The following PWWP2A variants were observed in gnomAD, a reference collection of about 807,000 sequenced individuals.
The protein encoded by PWWP2A is PWWP domain-containing protein 2A.
Under a neutral mutation model 48.5 loss-of-function variants are expected in PWWP2A, and 18 were observed. That is an observed-to-expected ratio of 0.37 (90% CI 0.26 to 0.55). The LOEUF (loss-of-function observed/expected upper bound fraction) is 0.55, where lower values mean the gene tolerates loss of function less well. Among genes scored for constraint, PWWP2A ranks in the 20% least tolerant of loss-of-function variants. The pLI is 0.81. For missense variants in PWWP2A, 867 were observed against 976.4 expected, an observed-to-expected ratio of 0.89 and a Z score of 1.49; for synonymous variants, 396 against 387.7, an observed-to-expected ratio of 1.02 and a Z score of -0.25.
the PWWP2A span, chr5:160,049,511 C>A: frequency 1.3e-6 from 2 of 1,560,476 alleles, no homozygotes; most frequent in East Asian, 2.3e-5. Flanking sequence ...TCTCTTTTTA[C>A]AGCAATTCAA....
At chr5:160,090,803 C>T, downstream of PWWP2A, 3 of 980,358 alleles carry the variant, frequency 3.1e-6, no homozygotes, top group South Asian at 4.7e-5. Context: ...AGTTAAGACA[C>T]AAAGTATGAA....
At chr5:160,050,453 A>C in the PWWP2A span, among the ~76,000 whole-genome samples, 1 of 152,218 alleles carries the variant, frequency 6.6e-6, no homozygotes. Context: ...TCTTAAAAAA[A>C]CAAAAAATAC....
Position 160,092,247 on chromosome 5 carries a change from A to T in PWWP2A, c.*135T>A. 1 of 1,413,044 alleles carries T rather than the reference A, an allele frequency of 7.1e-7. No homozygotes were observed. Among genetic ancestry groups the T allele is most frequent in the South Asian group, 1.7e-5 (1 of 58,676 alleles). The allele number at this position is 1,413,044 out of a possible 1,614,324, so 87.5% of individuals were successfully genotyped here. On this transcript the variant is annotated 3_prime_UTR_variant, in exon 2 of 2. Transcript: ENST00000307063. ...CTCAGTCTAAAAATGGCTATAAGGT[A>T]AGTATTAAAAAGCCAGCCAACTGAG...
the PWWP2A span, among the ~76,000 whole-genome samples, chr5:160,050,070 G>T: frequency 1.3e-5 from 2 of 151,962 alleles, no homozygotes; most frequent in Non-Finnish European, 1.5e-5. Flanking sequence ...GGATCATTGA[G>T]CCCAGGAGTT....
At chr5:160,103,958 C>T (rs929735799) in intron 1 of PWWP2A, among the ~76,000 whole-genome samples, 2 of 149,252 alleles carry the variant, frequency 1.3e-5, no homozygotes, top group African/African-American at 4.9e-5. Flanking sequence ...CCCACCTCTA[C>T]TACAAATACA....
the PWWP2A span, among the ~76,000 whole-genome samples, chr5:160,049,342 A>G: frequency 6.6e-6 from 1 of 152,144 alleles, no homozygotes; most frequent in Non-Finnish European, 1.5e-5. Context: ...AAAGCCTACA[A>G]TCTTTACTAT....
chr5:160,066,318 G>A (rs982750445), intron 4 of PWWP2A, among the ~76,000 whole-genome samples: 2 of 17,584 alleles, frequency 1.1e-4, no homozygotes, highest in African/African-American at 5.1e-4. Flanking sequence ...TTTTTTTTGA[G>A]GGGGGTCTCG....
downstream of PWWP2A, among the ~76,000 whole-genome samples, chr5:160,088,470 G>A (rs1754817009): frequency 6.6e-6 from 1 of 152,116 alleles, no homozygotes. Context: ...GGCTGGTCTC[G>A]AACTCCTGAC....
At chr5:160,116,571 T>C (rs755007415) in intron 1 of PWWP2A, 21 of 576,594 alleles carry the variant, frequency 3.6e-5, no homozygotes, top group Non-Finnish European at 4.4e-5. Flanking sequence ...TTGCTGTTTC[T>C]AAGCACTGAT....
chr5:160,076,926 A>G (rs1216041488), exon 4 of PWWP2A: 1 of 152,234 alleles, frequency 6.6e-6, no homozygotes, highest in African/African-American at 2.4e-5. Flanking sequence ...CAGTATTGCC[A>G]CTAAAAAACT....
At chr5:160,052,183 G>A in the PWWP2A span, among the ~76,000 whole-genome samples, 1 of 152,208 alleles carries the variant, frequency 6.6e-6, no homozygotes, top group African/African-American at 2.4e-5. Flanking sequence ...AAGGGAGGGG[G>A]ATGGGGGAGC....
chr5:160,115,137 CAAAAAAAA>C (rs535110852), intron 1 of PWWP2A, among the ~76,000 whole-genome samples: 14 of 88,412 alleles, frequency 1.6e-4, no homozygotes, highest in African/African-American at 3.4e-4. Context: ...GAGACTCTGT[CAAAAAAAA>C]AAAAAAAAAA....
rs761497188 is a variant in PWWP2A, at chr5:160,093,090, A to C, written c.1560T>G (p.Pro520=). The change falls in exon 2 of 2, where the codon CCT becomes CCG. Residue 520 remains proline, a synonymous_variant. Coordinates refer to ENST00000307063, the MANE Select transcript of PWWP2A (RefSeq NM_001130864.2). This position sits in a 1 kb window ranked among gnomAD's most constrained non-coding sequence, Gnocchi z 5.8. ...CTSTRSAGEA[P]SENQSPSKGP... ...CTTTTGAGGGACTCTGATTTTCTGA[A>C]GGGGCCTCACCTGCTGAGCGGGTAG... 9 of 1,613,624 alleles carry C rather than the reference A, an allele frequency of 5.6e-6. No homozygotes were observed. The East Asian group carries it at 2.0e-4, about 36-fold the overall frequency.
At chr5:160,112,252 T>A (rs112361449) in intron 1 of PWWP2A, among the ~76,000 whole-genome samples, 5 of 151,884 alleles carry the variant, frequency 3.3e-5, no homozygotes, top group African/African-American at 9.7e-5. Context: ...AAAGAGCCTC[T>A]CTCTGTCATC....
At position 160,078,204 on chromosome 5, in the gene PWWP2A, T is replaced by C; in HGVS notation, c.1670-36A>G. 1 of 1,484,882 alleles carries C rather than the reference T, an allele frequency of 6.7e-7. No homozygotes were observed. The highest frequency in any genetic ancestry group is 9.2e-7 in the Non-Finnish European group (1 of 1,086,498). 92.0% of individuals were successfully genotyped at this position (1,484,882 alleles called of 1,614,324 possible). ...GTAAAGAAAAGGAAGAAAATGTCGT[T>C]AAGCACAAGTAATTATATGAGGAAA... On this transcript the variant is annotated intron_variant, in intron 3 of 3. Coordinates refer to the PWWP2A transcript ENST00000456329. This position sits in a 1 kb window ranked among gnomAD's most constrained non-coding sequence, Gnocchi z 4.2.
In PWWP2A at chr5:160,092,447, CCT is replaced by C; in HGVS notation, c.2201_2202del (p.Glu734GlyfsTer3). The C allele has an allele frequency of 6.4e-7, 1 of 1,551,340 alleles. No homozygotes were observed. Among genetic ancestry groups the C allele is most frequent in the Non-Finnish European group, 8.7e-7 (1 of 1,146,912 alleles). On this transcript the variant is annotated frameshift_variant, in exon 2 of 2. Coordinates refer to ENST00000307063, the MANE Select transcript of PWWP2A (RefSeq NM_001130864.2). LOFTEE classifies it high-confidence loss of function. The part of the protein sequence containing the change: ...RKGLYRKAIT[E>X]AAKAAKQLTP... Reference sequence around the variant, plus strand: ...GTCAGCTGCTTGGCAGCCTTAGCTGCCTCTGTGATAGCCTTGCGATACAGGCC... The same window carrying C: ...GTCAGCTGCTTGGCAGCCTTAGCTGCCTGTGATAGCCTTGCGATACAGGCC...
intron 1 of PWWP2A, among the ~76,000 whole-genome samples, chr5:160,117,433 TA>T (rs1758252719): frequency 6.6e-6 from 1 of 152,252 alleles, no homozygotes; most frequent in Non-Finnish European, 1.5e-5. Flanking sequence ...GGCGGGTGGA[TA>T]ACCTGAGGTC....
chr5:160,073,037 T>C (rs180932394), downstream of PWWP2A, among the ~76,000 whole-genome samples: 5 of 134,818 alleles, frequency 3.7e-5, no homozygotes, highest in Non-Finnish European at 6.2e-5. Context: ...AAAAAAATCC[T>C]AACATCTCCC....
At chr5:160,101,981 G>A (rs1230076882) in intron 1 of PWWP2A, among the ~76,000 whole-genome samples, 1 of 151,440 alleles carries the variant, frequency 6.6e-6, no homozygotes, top group African/African-American at 2.4e-5. Context: ...GTGGTGGCAT[G>A]CGCCTGTAAT....
Sources: allele counts gnomAD v4.1 joint callset (sites outside exome capture counted in the v4.1 genomes callset), GRCh38; gene constraint gnomAD v4.1.1; non-coding constraint Gnocchi (gnomAD v3.1); transcripts MANE v1.5; gene names NCBI Gene and HGNC (gene_info 2026-07-23, HGNC 2026-07-21).